The following ACOT1 variants were observed in gnomAD, a reference collection of about 807,000 sequenced individuals.
ACOT1 encodes acyl-coenzyme A thioesterase 1.
A neutral mutation model predicts 15.7 loss-of-function variants in ACOT1; 8 were observed. That is an observed-to-expected ratio of 0.51 (90% CI 0.30 to 0.92). The LOEUF is 0.92. Among genes scored for constraint, ACOT1 ranks in the 40% least tolerant of loss-of-function variants. The probability of loss-of-function intolerance (pLI) is 0.06; values close to 1 mark genes in which losing one functional copy is unlikely to be tolerated. For synonymous variants in ACOT1, 67 were observed against 241.2 expected (o/e 0.28, Z 6.69); for missense variants, 151 against 539.4 (o/e 0.28, Z 7.13).
At chr14:73,504,276 T>C in the ACOT1 span, among the ~76,000 whole-genome samples, 1 of 148,544 alleles carries the variant, frequency 6.7e-6, no homozygotes, top group Non-Finnish European at 1.5e-5. Flanking sequence ...GGAGCCTCGC[T>C]CTGTTGCCCA....
At chr14:73,509,404 G>C in the ACOT1 span, 1 of 1,614,020 alleles carries the variant, frequency 6.2e-7, no homozygotes, top group Non-Finnish European at 8.5e-7. Flanking sequence ...CCGCACATGG[G>C]CATTCTTGTC....
At chr14:73,538,689 A>C (rs1249433622) in intron 1 of ACOT1, among the ~76,000 whole-genome samples, 1 of 111,696 alleles carries the variant, frequency 9.0e-6, no homozygotes, top group African/African-American at 2.9e-5. Context: ...ACAAAACAAA[A>C]AAAACAGGCC....
the ACOT1 span, chr14:73,491,155 T>A: frequency 1.2e-6 from 2 of 1,606,286 alleles, no homozygotes; most frequent in Non-Finnish European, 1.7e-6. Flanking sequence ...TGCGAAGTGT[T>A]GTATCCCGCA....
In ACOT1 at chr14:73,538,197, G is replaced by C. The variant is rs1259347024; in HGVS notation, c.457+319G>C. The stretch of plus-strand genomic sequence containing the variant: ...CCCTGCGCTTTTCATACGGAGAAAG[G>C]ATGTAGCTTCCAACATTCCGGAGGT... On this transcript the variant is annotated intron_variant, in intron 1 of 2. Coordinates refer to ENST00000311148, the MANE Select transcript of ACOT1 (RefSeq NM_001037161.2). Among the ~76,000 whole-genome samples the C allele has an allele frequency of 7.0e-5, 8 of 113,974 alleles. 2 individuals are homozygous for C. The highest frequency in any genetic ancestry group is 1.5e-4 in the Non-Finnish European group (8 of 52,432). 74.8% of individuals were successfully genotyped at this position (113,974 alleles called of 152,430 possible).
the ACOT1 span, chr14:73,498,213 G>A: frequency 3.0e-5 from 49 of 1,613,912 alleles, no homozygotes; most frequent in Admixed American, 6.7e-5. Flanking sequence ...TCCCTGACCC[G>A]GTCCCCTTGA....
the ACOT1 span, among the ~76,000 whole-genome samples, chr14:73,509,810 CCATATATATATATATATATATATATA>C: frequency 0.081 from 5,117 of 63,184 alleles, 821 homozygotes; most frequent in East Asian, 0.16. Context: ...CCCCATGAGC[CCATATATATATATATATATATATATA>C]TATATATATA....
chr14:73,537,967 C>T, intron 1 of ACOT1, 89 bp downstream of exon 1: 1 of 1,022,216 alleles, frequency 9.8e-7, no homozygotes, highest in Non-Finnish European at 1.2e-6. Context: ...TTCGCCCCGC[C>T]CCGCTCTTTT....
chr14:73,501,715 C>A, the ACOT1 span, among the ~76,000 whole-genome samples: 2 of 151,804 alleles, frequency 1.3e-5, no homozygotes, highest in Middle Eastern at 3.4e-3. Context: ...GCTGGGACTA[C>A]AGGCATACAC....
At chr14:73,509,022 G>A in the ACOT1 span, among the ~76,000 whole-genome samples, 74 of 151,948 alleles carry the variant, frequency 4.9e-4, no homozygotes, top group Middle Eastern at 3.4e-3. Flanking sequence ...GCACACCACC[G>A]CACCTGGCTA....
At chr14:73,518,417 A>G in the ACOT1 span, among the ~76,000 whole-genome samples, 8 of 152,234 alleles carry the variant, frequency 5.3e-5, 1 homozygote, top group Middle Eastern at 0.027. Flanking sequence ...AAAAAGAAAA[A>G]AAAAAAAAAG....
rs1270011433 is a variant in ACOT1, at chr14:73,541,513, A to G, written c.478A>G (p.Ile160Val). The G allele has an allele frequency of 4.0e-6, 5 of 1,244,368 alleles. 1 individual carries two copies. The Admixed American group carries it at 9.6e-5, about 24-fold the overall frequency. 77.1% of individuals were successfully genotyped at this position (1,244,368 alleles called of 1,614,324 possible). A position where few individuals can be genotyped will look rare whatever the true frequency, so the allele number is the denominator to read the frequency against. ...CCAAGAACCTGGGCCCTTTCCTGGC[A>G]TTGTGGACATGTTCGGAACTGGAGG... Reference protein sequence around the residue: ...LPPEPGPFPGIVDMFGTGGGL... With the variant: ...LPPEPGPFPGVVDMFGTGGGL... The change falls in exon 2 of 3, where the codon ATT becomes GTT. Residue 160 changes from isoleucine to valine, a missense_variant. By Grantham distance (29) the Ile-to-Val change is conservative. Transcript: ENST00000311148.
At chr14:73,495,212 C>T in the ACOT1 span, 1 of 1,610,012 alleles carries the variant, frequency 6.2e-7, no homozygotes, top group Admixed American at 1.7e-5. Context: ...ATGGAACTCA[C>T]CCCTAGGAAA....
chr14:73,506,939 T>TAA, the ACOT1 span, among the ~76,000 whole-genome samples: 2 of 151,540 alleles, frequency 1.3e-5, no homozygotes, highest in South Asian at 4.2e-4. Context: ...TAGCTGGGAT[T>TAA]ACAGGCGCCT....
chr14:73,521,026 A>G, the ACOT1 span: 35 of 1,613,468 alleles, frequency 2.2e-5, no homozygotes, highest in Non-Finnish European at 4.2e-6. Context: ...GCTTGTTGGA[A>G]GTAACTGGGC....
At chr14:73,531,629 G>A in the ACOT1 span, among the ~76,000 whole-genome samples, 5 of 109,262 alleles carry the variant, frequency 4.6e-5, 1 homozygote, top group Admixed American at 3.2e-4. Context: ...GGCTGTTCTC[G>A]AACTCCTGAC....
At chr14:73,522,939 T>C in the ACOT1 span, 5 of 1,614,010 alleles carry the variant, frequency 3.1e-6, no homozygotes, top group Non-Finnish European at 4.2e-6. Flanking sequence ...TGAGAGAAGG[T>C]AAGGTTTGCA....
the ACOT1 span, chr14:73,527,379 A>C: frequency 6.6e-6 from 1 of 152,048 alleles, no homozygotes; most frequent in Non-Finnish European, 1.5e-5. Flanking sequence ...TCAAAATAGT[A>C]GTCTTGAAGA....
the ACOT1 span, among the ~76,000 whole-genome samples, chr14:73,526,521 A>G: frequency 6.6e-6 from 1 of 152,072 alleles, no homozygotes; most frequent in Non-Finnish European, 1.5e-5. Flanking sequence ...GCTCAGGGAG[A>G]GACTCCTACT....
At chr14:73,503,007 T>A in the ACOT1 span, 4 of 1,610,366 alleles carry the variant, frequency 2.5e-6, no homozygotes, top group South Asian at 4.4e-5. Context: ...AACTTATGTT[T>A]CATATCCTAT....
Sources: allele counts gnomAD v4.1 joint callset (sites outside exome capture counted in the v4.1 genomes callset), GRCh38; gene constraint gnomAD v4.1.1; transcripts MANE v1.5; gene names NCBI Gene and HGNC (gene_info 2026-07-23, HGNC 2026-07-21).